DENND1A: variants seen among roughly 807,000 people sequenced by gnomAD.
DENND1A encodes the protein DENN domain-containing protein 1A.
In DENND1A, 51 loss-of-function variants were observed where a neutral mutation model predicts 113.7. The observed-to-expected ratio is 0.45, with a 90% confidence interval of 0.36 to 0.57. The LOEUF (loss-of-function observed/expected upper bound fraction) is 0.57, where lower values mean the gene tolerates loss of function less well. Among genes scored for constraint, DENND1A ranks in the 20% least tolerant of loss-of-function variants. DENND1A has a pLI of 0.00. For missense variants in DENND1A, 1,258 were observed against 1,395.9 expected, an observed-to-expected ratio of 0.90 and a Z score of 1.57; for synonymous variants, 565 against 570.8, an observed-to-expected ratio of 0.99 and a Z score of 0.14.
chr9:123,489,704 A>G (rs1387742861), intron 13 of DENND1A, among the ~76,000 whole-genome samples: 1 of 152,264 alleles, frequency 6.6e-6, no homozygotes, highest in East Asian at 1.9e-4. Flanking sequence ...GTGGCTTGGG[A>G]GTGGGGCTTG....
intron 5 of DENND1A, among the ~76,000 whole-genome samples, chr9:123,688,395 TTCAC>T (rs1429600838): frequency 6.6e-6 from 1 of 152,236 alleles, no homozygotes; most frequent in Admixed American, 6.5e-5. Flanking sequence ...ACAGCATTCA[TTCAC>T]TCATTCATTG....
At chr9:123,919,861 G>C (rs1196663509) in intron 1 of DENND1A, among the ~76,000 whole-genome samples, 1 of 137,546 alleles carries the variant, frequency 7.3e-6, no homozygotes. Context: ...CAGCCTGGGT[G>C]ACAGAGTGAG....
At chr9:123,852,502 A>G (rs1843531951) in intron 2 of DENND1A, among the ~76,000 whole-genome samples, 1 of 152,188 alleles carries the variant, frequency 6.6e-6, no homozygotes, top group Non-Finnish European at 1.5e-5. Flanking sequence ...CTCAAAAAGA[A>G]AGTGTTTTAT....
chr9:123,475,468 G>A (rs2049829814), intron 13 of DENND1A, among the ~76,000 whole-genome samples: 1 of 152,258 alleles, frequency 6.6e-6, no homozygotes, highest in South Asian at 2.1e-4. Context: ...GCCTGGGGTA[G>A]ATGCCACACT....
intron 1 of DENND1A, among the ~76,000 whole-genome samples, chr9:123,918,295 T>C (rs1036851726): frequency 1.2e-4 from 18 of 150,720 alleles, no homozygotes; most frequent in Non-Finnish European, 2.2e-4. Flanking sequence ...GAGACCATCC[T>C]GGCTAACACG....
At chr9:123,794,040 C>A (rs936422454) in intron 2 of DENND1A, among the ~76,000 whole-genome samples, 4 of 152,178 alleles carry the variant, frequency 2.6e-5, no homozygotes, top group African/African-American at 9.7e-5. Flanking sequence ...GAGTAATGCC[C>A]CTGCAGTACC....
At chr9:123,854,177 A>T (rs1326784895) in intron 2 of DENND1A, among the ~76,000 whole-genome samples, 1 of 152,184 alleles carries the variant, frequency 6.6e-6, no homozygotes, top group African/African-American at 2.4e-5. Flanking sequence ...TTCTTTCTAC[A>T]TTTCTGCTGG....
intron 18 of DENND1A, among the ~76,000 whole-genome samples, chr9:123,443,208 G>A (rs2047058013): frequency 2.0e-5 from 3 of 152,126 alleles, no homozygotes; most frequent in Admixed American, 6.5e-5. Context: ...ATCCCATAAC[G>A]ACAGCACAAG....
intron 13 of DENND1A, among the ~76,000 whole-genome samples, chr9:123,539,856 C>A (rs1167304621): frequency 7.0e-6 from 1 of 143,154 alleles, no homozygotes; most frequent in Non-Finnish European, 1.5e-5. Context: ...GCACTCCAGC[C>A]TGGGTGAAAA....
At chr9:123,784,807 A>G (rs1465645276) in intron 3 of DENND1A, among the ~76,000 whole-genome samples, 1 of 152,228 alleles carries the variant, frequency 6.6e-6, no homozygotes, top group East Asian at 1.9e-4. Context: ...TGTCTTTTTA[A>G]TGAGTTCCTT....
intron 8 of DENND1A, among the ~76,000 whole-genome samples, chr9:123,654,353 A>C (rs2062824045): frequency 6.6e-6 from 1 of 152,212 alleles, no homozygotes; most frequent in African/African-American, 2.4e-5. Flanking sequence ...CTTTTGACAG[A>C]TCCAAAGATA....
chr9:123,593,842 G>A (rs2059570948), intron 11 of DENND1A, among the ~76,000 whole-genome samples: 1 of 152,142 alleles, frequency 6.6e-6, no homozygotes, highest in African/African-American at 2.4e-5. Context: ...TGGAGGAGGG[G>A]CCTGGTGGGA....
At chr9:123,620,213 C>CAAAAAAAAAAAAA (rs34196587) in intron 10 of DENND1A, among the ~76,000 whole-genome samples, 7 of 59,024 alleles carry the variant, frequency 1.2e-4, no homozygotes, top group African/African-American at 2.1e-4. Context: ...GACTCCATCT[C>CAAAAAAAAAAAAA]AAAAAAAAAA....
intron 2 of DENND1A, among the ~76,000 whole-genome samples, chr9:123,830,639 C>A (rs753210813): frequency 6.6e-6 from 1 of 151,628 alleles, no homozygotes; most frequent in African/African-American, 2.4e-5. Context: ...CCGAGGGGGG[C>A]GGACCACCTG....
rs565948211 is a variant in DENND1A, at chr9:123,734,419, T to C, written c.302+23284A>G. 4.9e-4 allele frequency among the ~76,000 whole-genome samples: 75 copies of C among 152,236 alleles called. 2 individuals are homozygous for C. In the South Asian group the frequency reaches 0.014, roughly 29 times the overall value. On this transcript the variant is annotated intron_variant, in intron 5 of 23. Coordinates refer to ENST00000394215, the MANE Select transcript of DENND1A (RefSeq NM_001352964.2). ...ATGTCTGCCTTCAGATCCTGGGCCA[T>C]GTGAAAGTGGGGAAAGTGCATGTCT...
chr9:123,816,457 G>C (rs932077829), intron 2 of DENND1A, among the ~76,000 whole-genome samples: 2 of 152,146 alleles, frequency 1.3e-5, no homozygotes, highest in African/African-American at 4.8e-5. Flanking sequence ...TAGGCTTCCT[G>C]GTCTAGCCAG....
At chr9:123,848,909 T>C (rs1253134917) in intron 2 of DENND1A, among the ~76,000 whole-genome samples, 1 of 152,190 alleles carries the variant, frequency 6.6e-6, no homozygotes, top group African/African-American at 2.4e-5. Context: ...GCCCTGACTC[T>C]CTTCAATTCT....
Position 123,870,270 on chromosome 9 carries a change from CT to C in DENND1A, c.88+8680del, listed in dbSNP as rs113651309. Among the ~76,000 whole-genome samples, 340 of 139,294 alleles carry C rather than the reference CT, an allele frequency of 2.4e-3. 2 individuals carry two copies. Among genetic ancestry groups the C allele is most frequent in the South Asian group, 6.5e-3 (29 of 4,448 alleles). The allele number at this position is 139,294 out of a possible 152,430, so 91.4% of individuals were successfully genotyped here. A position where few individuals can be genotyped will look rare whatever the true frequency, so the allele number is the denominator to read the frequency against. On this transcript the variant is annotated intron_variant, in intron 2 of 23. Transcript: ENST00000394215. ...TGCACATACAGGTAATATTAATCAG[CT>C]TTTTTTTTTTTTTTCTGAGATGGAG...
intron 2 of DENND1A, among the ~76,000 whole-genome samples, chr9:123,808,534 C>T (rs1835991730): frequency 6.6e-6 from 1 of 152,066 alleles, no homozygotes; most frequent in South Asian, 2.1e-4. Context: ...GCAAACGCCA[C>T]TATGCCTGAC....
Sources: gnomAD v4.1 joint callset for allele counts (sites outside exome capture counted in the v4.1 genomes callset) on GRCh38, gnomAD v4.1.1 for gene constraint, MANE v1.5 for transcripts, NCBI Gene and HGNC (gene_info 2026-07-23, HGNC 2026-07-21) for gene names.